The following ADGRV1 variants were observed in gnomAD, a reference collection of about 807,000 sequenced individuals.
ADGRV1 encodes the protein G-protein coupled receptor 98.
Under a neutral mutation model 596.2 loss-of-function variants are expected in ADGRV1, and 359 were observed. The observed-to-expected ratio is 0.60, with a 90% CI of 0.55 to 0.66. The LOEUF (loss-of-function observed/expected upper bound fraction) is 0.66. Ranked by LOEUF, ADGRV1 falls within the 30% of genes least tolerant of loss-of-function variation. ADGRV1 has a pLI of 0.00. For missense variants in ADGRV1, 7,274 were observed against 7,575.6 expected (o/e 0.96, Z 1.48); for synonymous variants, 2,681 against 2,679.2 (o/e 1.00, Z -0.02).
chr5:90,828,858 A>T (rs1349129862), intron 76 of ADGRV1, 86 bp from the exon 77 acceptor site: 2 of 766,664 alleles, frequency 2.6e-6, no homozygotes, highest in African/African-American at 1.7e-5. Flanking sequence ...ATGTATATGA[A>T]TTATACAATA....
At chr5:91,140,526 C>G (rs1026272289) in intron 87 of ADGRV1, among the ~76,000 whole-genome samples, 2 of 152,048 alleles carry the variant, frequency 1.3e-5, no homozygotes, top group African/African-American at 4.8e-5. Flanking sequence ...AAAGACAATA[C>G]CAACTCAATT....
chr5:91,118,500 T>C (rs1183052262), intron 87 of ADGRV1, among the ~76,000 whole-genome samples: 3 of 152,238 alleles, frequency 2.0e-5, no homozygotes, highest in Non-Finnish European at 4.4e-5. Context: ...TTTATTCCGC[T>C]GGAGGACAGA....
chr5:91,063,253 CAACT>C (rs1787606895), intron 85 of ADGRV1, among the ~76,000 whole-genome samples: 2 of 152,148 alleles, frequency 1.3e-5, no homozygotes, highest in African/African-American at 2.4e-5. Flanking sequence ...GCCACTGCAC[CAACT>C]GTTTTTCTCA....
Position 90,853,330 on chromosome 5 carries a change from C to T in ADGRV1, c.17251C>T (p.Leu5751Phe). 1 of 1,612,914 alleles carries T rather than the reference C, an allele frequency of 6.2e-7. No homozygotes were observed. The highest frequency in any genetic ancestry group is 8.5e-7 in the Non-Finnish European group (1 of 1,179,214). The change falls in exon 80 of 90, where the codon CTT becomes TTT. Residue 5751 changes from leucine to phenylalanine, a missense_variant. Transcript: ENST00000405460. ...DSCPYLSILALHWYPQQINGH... is the reference protein window; with the variant it reads ...DSCPYLSILAFHWYPQQINGH... ...TTGCCCATATTTGTCAATATTGGCT[C>T]TTCACTGGTATCCTCAGCAAATCAA...
At chr5:91,110,184 T>C (rs1354061046) in intron 87 of ADGRV1, among the ~76,000 whole-genome samples, 3 of 152,236 alleles carry the variant, frequency 2.0e-5, no homozygotes, top group Non-Finnish European at 4.4e-5. Flanking sequence ...CTAATACTTA[T>C]AGGTCATAAG....
At chr5:90,579,833 T>C (rs971696623) in intron 1 of ADGRV1, among the ~76,000 whole-genome samples, 3 of 152,248 alleles carry the variant, frequency 2.0e-5, no homozygotes, top group Non-Finnish European at 4.4e-5. Context: ...GTTCTTCTTG[T>C]TGAATTGATC....
At chr5:91,069,805 C>T (rs1788211853) in intron 85 of ADGRV1, among the ~76,000 whole-genome samples, 1 of 151,852 alleles carries the variant, frequency 6.6e-6, no homozygotes. Context: ...GACACAAGTA[C>T]TTATATGTTC....
At position 91,153,412 on chromosome 5, in the gene ADGRV1, C is replaced by T; in HGVS notation, c.18802+14C>T. On this transcript the variant is annotated intron_variant, in intron 89 of 89. Transcript: ENST00000405460. ...CATTAAAAACTGGTATGTATGAACC[C>T]ATGAACGACATTAGAAGTAGGCACT... The T allele has an allele frequency of 6.5e-7, 1 of 1,546,766 alleles. No homozygotes were observed. The highest frequency in any genetic ancestry group is 1.2e-5 in the South Asian group (1 of 81,304).
chr5:90,681,188 A>G, intron 26 of ADGRV1, 127 bp from the exon 27 acceptor site: 3 of 1,018,250 alleles, frequency 2.9e-6, no homozygotes, highest in South Asian at 1.8e-5. Context: ...TTCTTTCTAA[A>G]ACAAATTAGA....
chr5:90,847,292 T>C (rs1296119019), intron 78 of ADGRV1, among the ~76,000 whole-genome samples: 1 of 152,016 alleles, frequency 6.6e-6, no homozygotes, highest in African/African-American at 2.4e-5. Context: ...AGATACAGAG[T>C]GCCTATTGGT....
In ADGRV1 at chr5:90,697,069, T is replaced by A; in HGVS notation, c.8078T>A (p.Val2693Glu). Residue 2693 changes from valine (V) to glutamate (E), a missense_variant, in exon 34 of 90, where the codon GTG becomes GAG. Physicochemically the swap from Val to Glu is moderately radical, Grantham distance 121. Transcript: ENST00000405460. ...TTGCCAAGCTCCGACACTGTTAGAG[T>A]GAACATTTTGGCCAATGACAATGTG... Reference protein sequence around the residue: ...RILPSSDTVRVNILANDNVAG... With the variant: ...RILPSSDTVRENILANDNVAG... The A allele has an allele frequency of 6.2e-7, 1 of 1,613,436 alleles. No individual in the cohort carries two copies. Among genetic ancestry groups the A allele is most frequent in the Non-Finnish European group, 8.5e-7 (1 of 1,179,470 alleles).
At chr5:91,150,539 C>T (rs967955240) in intron 88 of ADGRV1, among the ~76,000 whole-genome samples, 2 of 152,192 alleles carry the variant, frequency 1.3e-5, no homozygotes, top group African/African-American at 4.8e-5. Flanking sequence ...TTTCTTTCTT[C>T]AGAATCTTTC....
In ADGRV1 at chr5:90,802,779, T is replaced by C. The variant is rs752844417; in HGVS notation, c.14558T>C (p.Val4853Ala). The part of the protein sequence containing the change: ...SLGSNFTLQL[V>A]TVMLVGGRFY... ...GGCTCTAATTTCACTTTGCAACTGG[T>C]GACTGTGATGCTTGTCGGTGGACGT... Residue 4853 changes from valine (V) to alanine (A), a missense_variant, in exon 71 of 90, where the codon GTG becomes GCG. Coordinates refer to ENST00000405460, the MANE Select transcript of ADGRV1 (RefSeq NM_032119.4). 3 of 1,613,280 alleles carry C rather than the reference T, an allele frequency of 1.9e-6. No individual in the cohort carries two copies. In the South Asian group the frequency reaches 3.3e-5, roughly 18 times the overall value.
intron 59 of ADGRV1, 24 bp downstream of exon 59, chr5:90,763,493 G>T: frequency 6.3e-7 from 1 of 1,575,368 alleles, no homozygotes; most frequent in Non-Finnish European, 8.7e-7. Flanking sequence ...TAGCACTCCT[G>T]TAATTTTTCC....
At position 91,150,116 on chromosome 5, in the gene ADGRV1, G is replaced by A. The variant is rs752223599; in HGVS notation, c.18519G>A (p.Gly6173=). Residue 6173 remains glycine (G), a synonymous_variant, in exon 88 of 90, where the codon GGG becomes GGA. Transcript: ENST00000405460. ...CCAGTTACACTGTGGAAATGAATGG[G>A]CATCCTGGACCCAGCACAGCCTTTT... ...MKASYTVEMN[G]HPGPSTAFFT... is the part of the protein sequence containing the mutation. The A allele has an allele frequency of 4.4e-6, 7 of 1,582,748 alleles. No homozygotes were observed. The South Asian group carries it at 7.0e-5, about 16-fold the overall frequency.
intron 83 of ADGRV1, among the ~76,000 whole-genome samples, chr5:90,910,896 G>A (rs1337006167): frequency 1.3e-5 from 2 of 152,128 alleles, no homozygotes; most frequent in East Asian, 3.9e-4. Flanking sequence ...TGACAGTGGT[G>A]ATGACAAGTT....
intron 50 of ADGRV1, among the ~76,000 whole-genome samples, chr5:90,740,666 G>C (rs148659553): frequency 6.6e-6 from 1 of 152,204 alleles, no homozygotes; most frequent in Non-Finnish European, 1.5e-5. Context: ...ACCCCTGTTC[G>C]TTGTTTCTAA....
chr5:90,888,797 C>G (rs1382109548), intron 83 of ADGRV1, among the ~76,000 whole-genome samples: 1 of 152,100 alleles, frequency 6.6e-6, no homozygotes, highest in East Asian at 1.9e-4. Context: ...TTCACAACCC[C>G]TCTGTGGCCT....
intron 86 of ADGRV1, among the ~76,000 whole-genome samples, chr5:91,101,789 GCACACACACA>G (rs144940667): frequency 3.3e-5 from 5 of 150,636 alleles, no homozygotes; most frequent in Non-Finnish European, 7.4e-5. Flanking sequence ...ACGTGCGCAT[GCACACACACA>G]CACACGCACA....
Sources: gnomAD v4.1 joint callset for allele counts (sites outside exome capture counted in the v4.1 genomes callset) on GRCh38, gnomAD v4.1.1 for gene constraint, MANE v1.5 for transcripts, NCBI Gene and HGNC (gene_info 2026-07-23, HGNC 2026-07-21) for gene names.